The following NFIC variants were observed in gnomAD, a reference collection of about 807,000 sequenced individuals.
NFIC encodes the protein nuclear factor 1 C-type.
Under a neutral mutation model 54.4 loss-of-function variants are expected in NFIC, and 12 were observed. The observed-to-expected ratio is 0.22, with a 90% CI of 0.14 to 0.36. NFIC has a LOEUF of 0.36. Among genes scored for constraint, NFIC ranks in the 10% least tolerant of loss-of-function variants. NFIC has a pLI of 1.00. For synonymous variants in NFIC, 322 were observed against 319.2 expected (o/e 1.01, Z -0.09); for missense variants, 575 against 718.2 (o/e 0.80, Z 2.28).
intron 2 of NFIC, 55 bp from the exon 3 acceptor site, chr19:3,425,051 G>C (rs552217080): frequency 6.3e-7 from 1 of 1,591,266 alleles, no homozygotes; most frequent in Non-Finnish European, 8.6e-7. Context: ...CACTTCATCT[G>C]CTCCTGGGGT....
intron 2 of NFIC, among the ~76,000 whole-genome samples, chr19:3,406,008 C>G (rs9749585): frequency 0.12 from 18,467 of 152,140 alleles, 1,406 homozygotes; most frequent in African/African-American, 0.2. Context: ...GTAGCCTCAA[C>G]CTTCTGGGCT....
chr19:3,411,758 C>T (rs796488169), intron 2 of NFIC, among the ~76,000 whole-genome samples: 87 of 152,306 alleles, frequency 5.7e-4, no homozygotes, highest in African/African-American at 2.0e-3. Context: ...AGGAAACCCC[C>T]AGCCCGGCTG....
intron 2 of NFIC, among the ~76,000 whole-genome samples, chr19:3,391,934 G>A (rs2081383006): frequency 6.6e-6 from 1 of 152,142 alleles, no homozygotes; most frequent in African/African-American, 2.4e-5. Context: ...CGTCATCACT[G>A]TGGTTCTCGT....
intron 2 of NFIC, among the ~76,000 whole-genome samples, chr19:3,386,970 C>T (rs904715167): frequency 1.4e-4 from 22 of 152,228 alleles, no homozygotes; most frequent in Non-Finnish European, 1.6e-4. Flanking sequence ...AGACTGGCCA[C>T]CGGCTTCCTT....
rs2082602032 is a variant in NFIC at position 3,459,041 on chromosome 19, A to ACCCCGC, written c.1509+2406_1509+2407insCCCCGC. Among the ~76,000 whole-genome samples the ACCCCGC allele has an allele frequency of 1.3e-5, 2 of 151,764 alleles. No homozygotes were observed. Among genetic ancestry groups the ACCCCGC allele is most frequent in the African/African-American group, 4.9e-5 (2 of 41,234 alleles). On this transcript the variant is annotated intron_variant, in intron 10 of 10. Coordinates refer to ENST00000443272, the MANE Select transcript of NFIC (RefSeq NM_001245002.2). This position sits in a 1 kb window ranked among gnomAD's most constrained non-coding sequence, Gnocchi z 4.2. Reference sequence around the variant, plus strand: ...AGAGAGGGAGGGAAGAAGCAGTGAGATCCCGCTCTCCCCTCTCCCAGCTCC... The same window carrying ACCCCGC: ...AGAGAGGGAGGGAAGAAGCAGTGAGACCCCGCTCCCGCTCTCCCCTCTCCCAGCTCC...
At chr19:3,423,036 A>G (rs2081976656) in intron 2 of NFIC, among the ~76,000 whole-genome samples, 2 of 151,986 alleles carry the variant, frequency 1.3e-5, no homozygotes, top group Non-Finnish European at 2.9e-5. Context: ...CGTCTCTACT[A>G]AAAATACAAA....
intron 2 of NFIC, among the ~76,000 whole-genome samples, chr19:3,418,445 C>T (rs568599111): frequency 6.6e-6 from 1 of 152,290 alleles, no homozygotes; most frequent in African/African-American, 2.4e-5. Flanking sequence ...TCATATGTGG[C>T]TGTGACCCTT....
intron 1 of NFIC, among the ~76,000 whole-genome samples, chr19:3,374,075 T>G (rs531792902): frequency 6.6e-6 from 1 of 152,208 alleles, no homozygotes; most frequent in African/African-American, 2.4e-5. Flanking sequence ...AAGTGCTAAG[T>G]AGGTAATGAG....
rs1437947606 is a variant in NFIC, at chr19:3,468,298, C to A, written c.*5529C>A. The A allele has an allele frequency of 6.6e-6, 1 of 151,770 alleles. No homozygotes were observed. The highest frequency in any genetic ancestry group is 1.5e-5 in the Non-Finnish European group (1 of 68,076). The allele number at this position is 151,770 out of a possible 1,614,324, so 9.4% of individuals were successfully genotyped here. On this transcript the variant is annotated 3_prime_UTR_variant, in exon 11 of 11. Coordinates refer to ENST00000443272, the MANE Select transcript of NFIC (RefSeq NM_001245002.2). ...GGGCCCCGGAGGGGAAGTCATGCAC[C>A]CCCAAGCCACCACCCCCCAGCCTTC...
At chr19:3,431,565 C>T (rs565946580) in intron 3 of NFIC, among the ~76,000 whole-genome samples, 8 of 151,504 alleles carry the variant, frequency 5.3e-5, no homozygotes, top group Non-Finnish European at 2.9e-5. Flanking sequence ...GATGGGGTTT[C>T]GCCATGTTGC....
chr19:3,361,121 G>A (rs1330861037), intron 1 of NFIC, among the ~76,000 whole-genome samples: 1 of 152,202 alleles, frequency 6.6e-6, no homozygotes, highest in Non-Finnish European at 1.5e-5. Flanking sequence ...TCCCCCATCC[G>A]CTTGGCCCGA....
intron 7 of NFIC, 99 bp downstream of exon 7, chr19:3,449,238 A>C (rs2082419632): frequency 6.7e-7 from 1 of 1,484,900 alleles, no homozygotes; most frequent in Admixed American, 2.4e-5. Context: ...CATGAGTCCT[A>C]TTGCTGTAGC....
rs145799363 is a variant in NFIC at position 3,398,616 on chromosome 19, C to G, written c.562+16373C>G. The stretch of plus-strand genomic sequence containing the variant: ...TCCCAGGCATCCCCCAGGCAGGAGT[C>G]AACCCAGAGGCCCTCGGACCCGGGC... On this transcript the variant is annotated intron_variant, in intron 2 of 10. Coordinates refer to ENST00000443272, the MANE Select transcript of NFIC (RefSeq NM_001245002.2). Among the ~76,000 whole-genome samples, 455 of 152,282 alleles carry G rather than the reference C, an allele frequency of 3.0e-3. 3 individuals are homozygous for G. Among genetic ancestry groups the G allele is most frequent in the South Asian group, 5.0e-3 (24 of 4,820 alleles).
At chr19:3,365,771 G>T (rs892653590), upstream of NFIC, among the ~76,000 whole-genome samples, 2 of 152,160 alleles carry the variant, frequency 1.3e-5, no homozygotes, top group Non-Finnish European at 2.9e-5. Flanking sequence ...ACACACAGGC[G>T]AGGCCACCCC....
intron 1 of NFIC, among the ~76,000 whole-genome samples, chr19:3,359,856 C>CT (rs951025202): frequency 7.3e-4 from 109 of 148,888 alleles, no homozygotes; most frequent in African/African-American, 2.7e-3. Context: ...TACCCACGAT[C>CT]CCCCCCCGCA....
At chr19:3,416,915 G>A (rs1193212642) in intron 2 of NFIC, among the ~76,000 whole-genome samples, 2 of 134,866 alleles carry the variant, frequency 1.5e-5, no homozygotes, top group Non-Finnish European at 3.1e-5. Context: ...ATGGAGTCTC[G>A]CTCCGTCGCC....
At chr19:3,394,624 TAA>T (rs923284209) in intron 2 of NFIC, among the ~76,000 whole-genome samples, 2 of 146,044 alleles carry the variant, frequency 1.4e-5, no homozygotes, top group African/African-American at 5.0e-5. Context: ...CAGGCCGTGC[TAA>T]GACATCTGAG....
intron 6 of NFIC, among the ~76,000 whole-genome samples, chr19:3,441,963 G>A (rs953381669): frequency 2.0e-5 from 3 of 152,202 alleles, no homozygotes; most frequent in Non-Finnish European, 4.4e-5. Flanking sequence ...GGGTTAAGCT[G>A]ATTAGAGCAG....
At chr19:3,367,450 C>T (rs962789293) in intron 1 of NFIC, among the ~76,000 whole-genome samples, 8 of 151,544 alleles carry the variant, frequency 5.3e-5, no homozygotes, top group African/African-American at 1.9e-4. Flanking sequence ...CGGACGCCCT[C>T]GCCAGCCCGG....
Sources: gnomAD v4.1 joint callset for allele counts (sites outside exome capture counted in the v4.1 genomes callset) on GRCh38, gnomAD v4.1.1 for gene constraint, Gnocchi (gnomAD v3.1) non-coding constraint, MANE v1.5 for transcripts, NCBI Gene and HGNC (gene_info 2026-07-23, HGNC 2026-07-21) for gene names.